ARMC2: variants seen among roughly 807,000 people sequenced by gnomAD.
The protein encoded by ARMC2 is armadillo repeat-containing protein 2.
Under a neutral mutation model 90.3 loss-of-function variants are expected in ARMC2, and 67 were observed. That is an observed-to-expected ratio of 0.74 (90% CI 0.61 to 0.91). The LOEUF (loss-of-function observed/expected upper bound fraction) is 0.91. ARMC2 is among the 40% of genes least tolerant of loss of function. The probability of loss-of-function intolerance (pLI) is 0.00; values close to 1 mark genes in which losing one functional copy is unlikely to be tolerated. For synonymous variants in ARMC2, 393 were observed against 393.0 expected, an observed-to-expected ratio of 1.00 and a Z score of 0.00; for missense variants, 920 against 1,030.9, an observed-to-expected ratio of 0.89 and a Z score of 1.47.
At chr6:108,897,146 C>G (rs1162262341) in intron 6 of ARMC2, among the ~76,000 whole-genome samples, 1 of 152,152 alleles carries the variant, frequency 6.6e-6, no homozygotes, top group South Asian at 2.1e-4. Context: ...ATCTGTAGTT[C>G]CAGAATCCCT....
chr6:108,979,665 C>G, the ARMC2 span, among the ~76,000 whole-genome samples: 1 of 151,984 alleles, frequency 6.6e-6, no homozygotes, highest in Admixed American at 6.6e-5. Context: ...ACATAGTCCC[C>G]TACTTCTTGC....
the ARMC2 span, among the ~76,000 whole-genome samples, chr6:109,039,159 G>C: frequency 5.3e-5 from 8 of 151,556 alleles, no homozygotes; most frequent in Non-Finnish European, 1.0e-4. Context: ...GGAAGGAGGA[G>C]GAGGAGAAGA....
chr6:108,968,536 G>A (rs1778537278), intron 17 of ARMC2, among the ~76,000 whole-genome samples: 1 of 152,200 alleles, frequency 6.6e-6, no homozygotes, highest in African/African-American at 2.4e-5. Context: ...GGTGGGCTGT[G>A]CTGCCTCCTG....
chr6:108,849,456 C>T (rs1158191837), intron 1 of ARMC2, among the ~76,000 whole-genome samples: 1 of 152,114 alleles, frequency 6.6e-6, no homozygotes, highest in African/African-American at 2.4e-5. Flanking sequence ...GTGCAGCAAA[C>T]CAACATGGCA....
intron 12 of ARMC2, among the ~76,000 whole-genome samples, chr6:108,939,294 C>G (rs1198281184): frequency 2.0e-5 from 3 of 152,164 alleles, no homozygotes; most frequent in African/African-American, 4.8e-5. Flanking sequence ...GGATTTCTGT[C>G]CCAGCCTAAA....
At chr6:108,914,160 GTGTGTGTGTA>G (rs976933198) in intron 10 of ARMC2, among the ~76,000 whole-genome samples, 18 of 152,152 alleles carry the variant, frequency 1.2e-4, no homozygotes, top group Middle Eastern at 3.4e-3. Flanking sequence ...GTGTATGTCT[GTGTGTGTGTA>G]TGTGTGTGTA....
At chr6:109,005,705 CCCCTCTTCCTTAGCCTCCAAATTGA>C in the ARMC2 span, among the ~76,000 whole-genome samples, 2 of 152,230 alleles carry the variant, frequency 1.3e-5, no homozygotes, top group East Asian at 3.9e-4. Flanking sequence ...AACACTGTCT[CCCCTCTTCCTTAGCCTCCAAATTGA>C]AGAGTCCTAA....
intron 6 of ARMC2, among the ~76,000 whole-genome samples, chr6:108,897,379 C>T (rs1423338996): frequency 6.6e-6 from 1 of 152,140 alleles, no homozygotes; most frequent in African/African-American, 2.4e-5. Context: ...CTAATTTGTC[C>T]TAAAGACAAT....
intron 13 of ARMC2, among the ~76,000 whole-genome samples, chr6:108,958,223 G>C (rs1356862516): frequency 1.3e-5 from 2 of 152,074 alleles, no homozygotes; most frequent in African/African-American, 4.8e-5. Flanking sequence ...CCTGATCTTG[G>C]ACTTCCAGCC....
chr6:109,013,685 AC>A, the ARMC2 span, among the ~76,000 whole-genome samples: 2 of 152,220 alleles, frequency 1.3e-5, no homozygotes, highest in Non-Finnish European at 2.9e-5. Context: ...TGGTTAGAAA[AC>A]ATACAGTAAT....
chr6:109,000,789 C>G, the ARMC2 span: 5 of 831,160 alleles, frequency 6.0e-6, no homozygotes, highest in African/African-American at 8.8e-5. Flanking sequence ...TCAAATTTTC[C>G]GTAAACTACA....
the ARMC2 span, among the ~76,000 whole-genome samples, chr6:109,022,363 T>A: frequency 6.6e-6 from 1 of 151,456 alleles, no homozygotes; most frequent in Non-Finnish European, 1.5e-5. Context: ...CGATTTGATA[T>A]TAATAGAATA....
chr6:109,008,105 G>A, the ARMC2 span, among the ~76,000 whole-genome samples: 1 of 152,044 alleles, frequency 6.6e-6, no homozygotes, highest in Non-Finnish European at 1.5e-5. Context: ...TCCCATAAGC[G>A]CTGTAACAAT....
chr6:109,001,477 CA>C, the ARMC2 span: 1 of 1,612,546 alleles, frequency 6.2e-7, no homozygotes, highest in Non-Finnish European at 8.5e-7. Context: ...CTTCACTCCC[CA>C]CTTGGAGGAT....
At chr6:109,048,633 G>C in the ARMC2 span, among the ~76,000 whole-genome samples, 1 of 152,148 alleles carries the variant, frequency 6.6e-6, no homozygotes, top group Non-Finnish European at 1.5e-5. Context: ...TGGGTAGATG[G>C]CCACAAGTAG....
At chr6:109,000,426 G>T in the ARMC2 span, 1 of 1,265,286 alleles carries the variant, frequency 7.9e-7, no homozygotes, top group Non-Finnish European at 1.0e-6. Flanking sequence ...CGATTTTTCT[G>T]TAATCCTAAA....
intron 12 of ARMC2, among the ~76,000 whole-genome samples, chr6:108,952,544 A>G (rs1187435620): frequency 6.6e-6 from 1 of 152,226 alleles, no homozygotes; most frequent in African/African-American, 2.4e-5. Context: ...CAAACGCTCT[A>G]CAATGCACAG....
At position 108,884,169 on chromosome 6, in the gene ARMC2, G is replaced by A. The variant is rs1022202650; in HGVS notation, c.671+7819G>A. 9.2e-5 allele frequency among the ~76,000 whole-genome samples: 14 copies of A among 152,140 alleles called. No homozygotes were observed. The East Asian group carries it at 2.3e-3, about 25-fold the overall frequency. On this transcript the variant is annotated intron_variant, in intron 5 of 17. Transcript: ENST00000392644. ...CTGTCCGATAAGCGTTTCCTGGTAA[G>A]CAATGCCCTGTGCTGAGGGGTTGAG...
chr6:109,005,281 C>G, the ARMC2 span, among the ~76,000 whole-genome samples: 1 of 152,078 alleles, frequency 6.6e-6, no homozygotes, highest in Non-Finnish European at 1.5e-5. Flanking sequence ...TTTAAAAGCT[C>G]TTCAAGTTAT....
Sources: allele counts gnomAD v4.1 joint callset (sites outside exome capture counted in the v4.1 genomes callset), GRCh38; gene constraint gnomAD v4.1.1; transcripts MANE v1.5; gene names NCBI Gene and HGNC (gene_info 2026-07-23, HGNC 2026-07-21).